The following RNF144A variants were observed in gnomAD, a reference collection of about 807,000 sequenced individuals.
RNF144A encodes ring finger protein 144A, also known as E3 ubiquitin-protein ligase RNF144A.
RNF144A carries 11 observed loss-of-function variants against 38.7 expected under a neutral mutation model. That is an observed-to-expected ratio of 0.28 (90% CI 0.18 to 0.47). The LOEUF (loss-of-function observed/expected upper bound fraction) is 0.47. Ranked by LOEUF, RNF144A falls within the 20% of genes least tolerant of loss-of-function variation. The pLI is 0.99. For missense variants in RNF144A, 316 were observed against 377.2 expected (o/e 0.84, Z 1.34); for synonymous variants, 149 against 143.9 (o/e 1.04, Z -0.25).
downstream of RNF144A, among the ~76,000 whole-genome samples, chr2:7,044,368 T>TCCTG (rs923896410): frequency 1.3e-5 from 2 of 152,144 alleles, no homozygotes; most frequent in African/African-American, 4.8e-5. Flanking sequence ...AGCTCTTGTA[T>TCCTG]CCTGAGATTT....
Position 7,056,297 on chromosome 2 carries a change from T to C in RNF144A, c.735-11919T>C, listed in dbSNP as rs569095137. Among the ~76,000 whole-genome samples, 42 of 152,254 alleles carry C rather than the reference T, an allele frequency of 2.8e-4. 1 individual carries two copies. Among genetic ancestry groups the C allele is most frequent in the Admixed American group, 2.4e-3 (37 of 15,294 alleles). On this transcript the variant is annotated intron_variant, in intron 6 of 6. Transcript: ENST00000432850. ...CTTGCTTCCTGTCATCCCACACCCA[T>C]GGTAAGATGTGCCCTCTGTGCTTCC...
chr2:7,056,280 C>T (rs889638345), intron 6 of RNF144A, among the ~76,000 whole-genome samples: 10 of 152,176 alleles, frequency 6.6e-5, no homozygotes, highest in Admixed American at 6.5e-4. Context: ...AACTTGCTTC[C>T]TGTCATCCCA....
chr2:7,075,685 G>A, the RNF144A span, among the ~76,000 whole-genome samples: 1 of 152,156 alleles, frequency 6.6e-6, no homozygotes, highest in African/African-American at 2.4e-5. Flanking sequence ...CTCCAGAACT[G>A]TGAGTAAAAT....
At chr2:7,034,689 T>A (rs1672547844) in intron 8 of RNF144A, among the ~76,000 whole-genome samples, 1 of 152,196 alleles carries the variant, frequency 6.6e-6, no homozygotes, top group African/African-American at 2.4e-5. Context: ...AATTATTTCT[T>A]GATAATTCAA....
At chr2:7,063,938 G>A (rs1008151377) in intron 6 of RNF144A, among the ~76,000 whole-genome samples, 1 of 152,138 alleles carries the variant, frequency 6.6e-6, no homozygotes, top group African/African-American at 2.4e-5. Context: ...TTATGGTTCC[G>A]GGGGCTGGGA....
chr2:6,956,229 T>C (rs1421299859), intron 2 of RNF144A, among the ~76,000 whole-genome samples: 2 of 151,580 alleles, frequency 1.3e-5, no homozygotes, highest in Non-Finnish European at 2.9e-5. Flanking sequence ...ATTCTTTTCT[T>C]GTTTCTGTTT....
At position 7,013,596 on chromosome 2, in the gene RNF144A, A is replaced by G. The variant is rs114992640; in HGVS notation, c.136-858A>G. Among the ~76,000 whole-genome samples the G allele has an allele frequency of 5.5e-3, 834 of 152,294 alleles. 5 individuals carry two copies. The highest frequency in any genetic ancestry group is 0.019 in the African/African-American group (780 of 41,558). On this transcript the variant is annotated intron_variant, in intron 3 of 8. Transcript: ENST00000320892. The stretch of plus-strand genomic sequence containing the variant: ...TTTTCTATGCTCTTTGAGTTCTTAT[A>G]TAAGCTCTACATCTAGTTTCTCTTG...
At chr2:7,074,562 T>A in the RNF144A span, 1 of 152,212 alleles carries the variant, frequency 6.6e-6, no homozygotes, top group African/African-American at 2.4e-5. Flanking sequence ...CCTGGGCCCT[T>A]AAAAGATCTA....
rs1329556929 is a variant in RNF144A, at chr2:6,917,539, G to A, written c.-295G>A. ...GCTGCGCGGGCGCGGGGAGGCGCGG[G>A]CGGCAAACTGCGGGCACCCGGCACC... is the stretch of plus-strand genomic sequence containing the variant. On this transcript the variant is annotated 5_prime_UTR_variant, in exon 1 of 9. Coordinates refer to ENST00000320892, the MANE Select transcript of RNF144A (RefSeq NM_014746.6). This position sits in a 1 kb window ranked among gnomAD's most constrained non-coding sequence, Gnocchi z 4.8. 2 of 147,862 alleles carry A rather than the reference G, an allele frequency of 1.4e-5. No homozygotes were observed. Among genetic ancestry groups the A allele is most frequent in the Non-Finnish European group, 3.0e-5 (2 of 66,396 alleles). 9.2% of individuals were successfully genotyped at this position (147,862 alleles called of 1,614,324 possible).
intron 1 of RNF144A, among the ~76,000 whole-genome samples, chr2:6,934,164 A>G: frequency 6.6e-6 from 1 of 152,146 alleles, no homozygotes; most frequent in East Asian, 1.9e-4. Flanking sequence ...ATTCAACAGT[A>G]TTGGGTTTTT....
chr2:6,981,623 C>T (rs577613928), intron 2 of RNF144A, among the ~76,000 whole-genome samples: 12 of 152,286 alleles, frequency 7.9e-5, no homozygotes, highest in African/African-American at 1.7e-4. Flanking sequence ...ACTTCATTGT[C>T]GATACGACTG....
chr2:6,954,525 T>G (rs1490576998), intron 2 of RNF144A, among the ~76,000 whole-genome samples: 3 of 152,238 alleles, frequency 2.0e-5, no homozygotes, highest in Admixed American at 1.3e-4. Context: ...CTTGATAGAA[T>G]CTAATTCATC....
At chr2:6,932,223 A>G (rs1228704643) in intron 1 of RNF144A, among the ~76,000 whole-genome samples, 1 of 152,198 alleles carries the variant, frequency 6.6e-6, no homozygotes. Context: ...CGAAATTAAC[A>G]TAGCTAGTCC....
At chr2:6,975,914 A>G (rs762433892) in intron 2 of RNF144A, among the ~76,000 whole-genome samples, 5 of 152,266 alleles carry the variant, frequency 3.3e-5, no homozygotes, top group Non-Finnish European at 7.3e-5. Flanking sequence ...ATGCTGTTCT[A>G]TGCTTTGCTG....
chr2:7,033,613 C>G (rs1298400080), intron 8 of RNF144A, among the ~76,000 whole-genome samples: 1 of 152,248 alleles, frequency 6.6e-6, no homozygotes. Flanking sequence ...CATCCACATT[C>G]TAACCTTCTC....
intron 6 of RNF144A, among the ~76,000 whole-genome samples, chr2:7,057,526 T>A (rs1299741216): frequency 6.6e-6 from 1 of 152,240 alleles, no homozygotes; most frequent in Non-Finnish European, 1.5e-5. Context: ...TGCACTCCCT[T>A]CTCTGATTCT....
At chr2:6,957,917 T>G (rs1438948370) in intron 2 of RNF144A, among the ~76,000 whole-genome samples, 1 of 151,852 alleles carries the variant, frequency 6.6e-6, no homozygotes, top group Non-Finnish European at 1.5e-5. Flanking sequence ...ACATGTCTGT[T>G]TTTTAGCAGC....
chr2:6,931,404 A>C (rs771296), intron 1 of RNF144A, among the ~76,000 whole-genome samples: 73,632 of 152,182 alleles, frequency 0.48, 18,383 homozygotes, highest in Middle Eastern at 0.55. Flanking sequence ...AATGCAGATT[A>C]ACAAATTACC....
chr2:6,977,412 T>A (rs1668381838), intron 2 of RNF144A, among the ~76,000 whole-genome samples: 1 of 152,236 alleles, frequency 6.6e-6, no homozygotes. Context: ...CATCAATTCA[T>A]TGGGATCAAA....
Sources: allele counts gnomAD v4.1 joint callset (sites outside exome capture counted in the v4.1 genomes callset), GRCh38; gene constraint gnomAD v4.1.1; non-coding constraint Gnocchi (gnomAD v3.1); transcripts MANE v1.5; gene names NCBI Gene and HGNC (gene_info 2026-07-23, HGNC 2026-07-21).